SUMF1: variants seen among roughly 807,000 people sequenced by gnomAD.
SUMF1 encodes the protein formylglycine-generating enzyme.
In SUMF1, 48 loss-of-function variants were observed where a neutral mutation model predicts 47.6. The ratio of observed to expected loss-of-function variants is 1.01; its 90% CI spans 0.80 to 1.28. The LOEUF (loss-of-function observed/expected upper bound fraction) is 1.28, where lower values mean the gene tolerates loss of function less well. SUMF1 is among the 50% of genes most tolerant of loss of function. SUMF1 has a pLI of 0.00. For synonymous variants in SUMF1, 230 were observed against 192.1 expected (o/e 1.20, Z -1.63); for missense variants, 571 against 485.4 (o/e 1.18, Z -1.66).
At chr3:4,161,339 C>A (rs1256371305) in intron 8 of SUMF1, among the ~76,000 whole-genome samples, 2 of 152,144 alleles carry the variant, frequency 1.3e-5, no homozygotes, top group Non-Finnish European at 2.9e-5. Context: ...AGGCCCTCTA[C>A]AATCAGCAGG....
chr3:4,450,907 T>C (rs556106499), intron 2 of SUMF1, among the ~76,000 whole-genome samples: 97 of 151,796 alleles, frequency 6.4e-4, no homozygotes, highest in South Asian at 3.8e-3. Context: ...GGCTAGAACA[T>C]AGTATACAAG....
chr3:4,179,487 A>G (rs1695044397), intron 8 of SUMF1, among the ~76,000 whole-genome samples: 2 of 152,210 alleles, frequency 1.3e-5, no homozygotes, highest in Non-Finnish European at 2.9e-5. Context: ...AGCTATACGT[A>G]GAAAGCTGAA....
intron 3 of SUMF1, among the ~76,000 whole-genome samples, chr3:4,437,069 G>A (rs1163291259): frequency 1.3e-5 from 2 of 152,080 alleles, no homozygotes; most frequent in Non-Finnish European, 2.9e-5. Context: ...TACTACCAAC[G>A]GATATCCTTT....
intron 8 of SUMF1, among the ~76,000 whole-genome samples, chr3:4,115,547 C>CA (rs1461319076): frequency 6.9e-6 from 1 of 143,984 alleles, no homozygotes; most frequent in Non-Finnish European, 1.5e-5. Flanking sequence ...GGTCAGAGCC[C>CA]AAAAACGCTC....
chr3:4,362,472 C>A (rs1455378481), intron 8 of SUMF1, among the ~76,000 whole-genome samples: 1 of 152,100 alleles, frequency 6.6e-6, no homozygotes, highest in Non-Finnish European at 1.5e-5. Context: ...GGATATAGTA[C>A]AAAGATGTTC....
At chr3:4,138,698 C>T (rs941048516) in intron 8 of SUMF1, among the ~76,000 whole-genome samples, 1 of 152,020 alleles carries the variant, frequency 6.6e-6, no homozygotes, top group African/African-American at 2.4e-5. Context: ...TATTTGGGCC[C>T]CTTTCAGACT....
At chr3:4,458,598 G>A (rs1400861235) in intron 1 of SUMF1, among the ~76,000 whole-genome samples, 1 of 152,204 alleles carries the variant, frequency 6.6e-6, no homozygotes, top group Non-Finnish European at 1.5e-5. Flanking sequence ...GCTCACGCCT[G>A]TAATCCCAGC....
At chr3:4,332,393 A>G (rs1373901846) in intron 8 of SUMF1, among the ~76,000 whole-genome samples, 4 of 152,240 alleles carry the variant, frequency 2.6e-5, no homozygotes, top group South Asian at 2.1e-4. Flanking sequence ...TAGAAAATTT[A>G]TATCTCAAAG....
chr3:4,453,121 T>C (rs1703031020), intron 1 of SUMF1, 72 bp from the exon 2 acceptor site: 9 of 1,499,968 alleles, frequency 6.0e-6, no homozygotes, highest in African/African-American at 2.8e-5. Flanking sequence ...GTAAAGTTCC[T>C]AGCACCCAGG....
intron 8 of SUMF1, among the ~76,000 whole-genome samples, chr3:4,143,783 C>A (rs935378118): frequency 2.0e-5 from 3 of 152,068 alleles, no homozygotes; most frequent in African/African-American, 7.2e-5. Flanking sequence ...CAAGCCCTCA[C>A]TACTGAAATT....
At chr3:4,060,388 T>C (rs750241402) in intron 9 of SUMF1, among the ~76,000 whole-genome samples, 8 of 152,174 alleles carry the variant, frequency 5.3e-5, no homozygotes, top group Admixed American at 1.3e-4. Context: ...TTGTACAATT[T>C]ATATAATCTC....
intron 8 of SUMF1, among the ~76,000 whole-genome samples, chr3:4,179,177 A>G (rs1356707484): frequency 6.6e-6 from 1 of 152,182 alleles, no homozygotes; most frequent in East Asian, 1.9e-4. Context: ...CAGAATTGCA[A>G]AAAACTACTT....
intron 8 of SUMF1, among the ~76,000 whole-genome samples, chr3:4,083,022 A>T (rs184774773): frequency 6.6e-6 from 1 of 152,280 alleles, no homozygotes; most frequent in Admixed American, 6.5e-5. Context: ...TTTATTTAGA[A>T]AATATCTAAA....
intron 1 of SUMF1, among the ~76,000 whole-genome samples, chr3:4,459,454 A>T (rs535395954): frequency 4.6e-5 from 7 of 152,360 alleles, no homozygotes; most frequent in African/African-American, 1.4e-4. Context: ...TTAGAAAAAT[A>T]ACATCAGAAG....
At chr3:4,151,399 GTATATGTA>G (rs1319381301) in intron 8 of SUMF1, among the ~76,000 whole-genome samples, 3 of 103,932 alleles carry the variant, frequency 2.9e-5, no homozygotes, top group Admixed American at 9.3e-5. Flanking sequence ...GTATATATAT[GTATATGTA>G]TATATGTATA....
chr3:4,195,400 CA>C (rs1198877026), intron 8 of SUMF1, among the ~76,000 whole-genome samples: 1 of 152,048 alleles, frequency 6.6e-6, no homozygotes, highest in Non-Finnish European at 1.5e-5. Flanking sequence ...AACTTATTCA[CA>C]AACTGATGAT....
intron 8 of SUMF1, among the ~76,000 whole-genome samples, chr3:4,112,331 G>A (rs894203236): frequency 1.3e-5 from 2 of 152,130 alleles, no homozygotes; most frequent in African/African-American, 4.8e-5. Flanking sequence ...GAGAGGGATA[G>A]CCAACTAAAT....
intron 8 of SUMF1, among the ~76,000 whole-genome samples, chr3:4,071,606 G>C (rs1695527222): frequency 6.6e-6 from 1 of 152,228 alleles, no homozygotes; most frequent in African/African-American, 2.4e-5. Context: ...TGGGATGCTG[G>C]AGCTTAGTGG....
intron 8 of SUMF1, among the ~76,000 whole-genome samples, chr3:4,137,221 C>A (rs1226893151): frequency 2.0e-5 from 3 of 151,964 alleles, no homozygotes; most frequent in Non-Finnish European, 4.4e-5. Context: ...TGGAACCAAC[C>A]CAAATGTCCA....
Sources: allele counts gnomAD v4.1 joint callset (sites outside exome capture counted in the v4.1 genomes callset), GRCh38; gene constraint gnomAD v4.1.1; transcripts MANE v1.5; gene names NCBI Gene and HGNC (gene_info 2026-07-23, HGNC 2026-07-21).